MAP4K3: variants seen among roughly 807,000 people sequenced by gnomAD.
The protein encoded by MAP4K3 is mitogen-activated protein kinase kinase kinase kinase 3.
MAP4K3 carries 94 observed loss-of-function variants against 143.5 expected under a neutral mutation model. The ratio of observed to expected loss-of-function variants is 0.65; its 90% CI spans 0.55 to 0.78. MAP4K3 has a LOEUF of 0.78. MAP4K3 is among the 30% of genes least tolerant of loss of function. The pLI, the probability that MAP4K3 is intolerant of heterozygous loss-of-function variation, is 0.00. For synonymous variants in MAP4K3, 416 were observed against 347.2 expected (o/e 1.20, Z -2.20); for missense variants, 1,077 against 1,068.1 (o/e 1.01, Z -0.12).
At position 39,286,866 on chromosome 2, in the gene MAP4K3, T is replaced by C. The variant is rs753414559; in HGVS notation, c.1573A>G (p.Lys525Glu). 1 of 1,603,704 alleles carries C rather than the reference T, an allele frequency of 6.2e-7. No homozygotes were observed. The highest frequency in any genetic ancestry group is 1.1e-5 in the South Asian group (1 of 89,060). The part of the protein sequence containing the change: ...HRGTNLSRKE[K>E]KDVPKPISNG... Reference sequence around the variant, plus strand: ...TCAATACCTACTGGTACATCTTTCTTTTCTTTTCTTGAAAGGTTTGTGCCT... The same window carrying C: ...TCAATACCTACTGGTACATCTTTCTCTTCTTTTCTTGAAAGGTTTGTGCCT... The change falls in exon 21 of 34, where the codon AAG becomes GAG. Residue 525 changes from lysine to glutamate, a missense_variant. By Grantham distance (56) the Lys-to-Glu change is moderately conservative. Transcript: ENST00000263881.
chr2:39,305,576 GATTTT>G (rs1412706561), intron 15 of MAP4K3, among the ~76,000 whole-genome samples: 1 of 152,182 alleles, frequency 6.6e-6, no homozygotes, highest in Non-Finnish European at 1.5e-5. Flanking sequence ...CTTTAAGGTT[GATTTT>G]ATAAGTTGTA....
chr2:39,300,138 G>A (rs1024489406), intron 15 of MAP4K3, among the ~76,000 whole-genome samples: 3 of 152,056 alleles, frequency 2.0e-5, no homozygotes, highest in South Asian at 2.1e-4. Flanking sequence ...AAGCAAAAAC[G>A]TTCAGAGAAG....
chr2:39,322,316 C>A (rs1683334867), intron 12 of MAP4K3, among the ~76,000 whole-genome samples: 1 of 152,128 alleles, frequency 6.6e-6, no homozygotes, highest in Non-Finnish European at 1.5e-5. Flanking sequence ...ATGATTATTT[C>A]TGAGAACAGT....
chr2:39,400,203 G>C (rs551863485), intron 1 of MAP4K3, among the ~76,000 whole-genome samples: 1 of 152,218 alleles, frequency 6.6e-6, no homozygotes, highest in South Asian at 2.1e-4. Context: ...AATTATAAAT[G>C]TCTGTTGTAT....
chr2:39,344,195 AAAT>A (rs1665220101), intron 3 of MAP4K3, among the ~76,000 whole-genome samples: 2 of 152,166 alleles, frequency 1.3e-5, no homozygotes, highest in South Asian at 4.1e-4. Context: ...AATATCCAGC[AAAT>A]AATATTTGTT....
chr2:39,422,411 T>C (rs573434739), intron 1 of MAP4K3, among the ~76,000 whole-genome samples: 138 of 152,220 alleles, frequency 9.1e-4, no homozygotes, highest in African/African-American at 3.2e-3. Flanking sequence ...AAAGACCATG[T>C]ATAGACACCA....
chr2:39,360,252 C>T (rs1356626355), intron 2 of MAP4K3, among the ~76,000 whole-genome samples: 1 of 152,234 alleles, frequency 6.6e-6, no homozygotes, highest in Non-Finnish European at 1.5e-5. Flanking sequence ...ACAAGAGTCA[C>T]TTCTGCTCTA....
intron 31 of MAP4K3, among the ~76,000 whole-genome samples, chr2:39,257,636 T>C (rs983582470): frequency 1.4e-4 from 21 of 151,450 alleles, no homozygotes; most frequent in Admixed American, 1.2e-3. Flanking sequence ...CCGTCTCTAC[T>C]AAAAATACAA....
chr2:39,398,741 AATAATGATG>A (rs1481139319), intron 1 of MAP4K3, among the ~76,000 whole-genome samples: 1 of 127,354 alleles, frequency 7.9e-6, no homozygotes, highest in Non-Finnish European at 1.6e-5. Context: ...TAATAATAAT[AATAATGATG>A]ATGATAATAA....
At chr2:39,318,759 G>A (rs915031239) in intron 12 of MAP4K3, among the ~76,000 whole-genome samples, 9 of 151,762 alleles carry the variant, frequency 5.9e-5, no homozygotes, top group African/African-American at 1.7e-4. Context: ...ACCATTTCAC[G>A]TTTATTCAAC....
At position 39,354,397 on chromosome 2, in the gene MAP4K3, C is replaced by T. The variant is rs147630307; in HGVS notation, c.245+1852G>A. Among the ~76,000 whole-genome samples the T allele has an allele frequency of 6.3e-3, 960 of 152,112 alleles. 7 individuals are homozygous for T. Among genetic ancestry groups the T allele is most frequent in the African/African-American group, 0.022 (913 of 41,510 alleles). Reference sequence around the variant, plus strand: ...GGTGGAGCTTGCAGTGAGCTGAGATCGCGCCACTGCACTCCAGCCTGGGTG... The same window carrying T: ...GGTGGAGCTTGCAGTGAGCTGAGATTGCGCCACTGCACTCCAGCCTGGGTG... On this transcript the variant is annotated intron_variant, in intron 3 of 33. Transcript: ENST00000263881.
intron 21 of MAP4K3, among the ~76,000 whole-genome samples, chr2:39,282,876 G>T (rs1681598310): frequency 6.6e-6 from 1 of 152,162 alleles, no homozygotes; most frequent in South Asian, 2.1e-4. Context: ...TTGTGTGTGT[G>T]TTAGGAATTT....
intron 24 of MAP4K3, among the ~76,000 whole-genome samples, chr2:39,277,848 G>A (rs1304641233): frequency 6.6e-6 from 1 of 151,640 alleles, no homozygotes; most frequent in Non-Finnish European, 1.5e-5. Context: ...TTACAGGCGT[G>A]AGCCACCATG....
intron 27 of MAP4K3, among the ~76,000 whole-genome samples, chr2:39,266,919 A>G (rs1003454424): frequency 1.3e-5 from 2 of 151,640 alleles, no homozygotes; most frequent in African/African-American, 4.8e-5. Context: ...AAAAAAAAAA[A>G]GTCATACAAC....
intron 15 of MAP4K3, 77 bp downstream of exon 15, chr2:39,307,866 A>T: frequency 8.7e-7 from 1 of 1,147,246 alleles, no homozygotes; most frequent in Admixed American, 2.6e-5. Context: ...CTTTAATTGG[A>T]CAAAATGTTT....
chr2:39,307,836 T>C (rs951212296), intron 15 of MAP4K3, 107 bp downstream of exon 15: 11 of 800,570 alleles, frequency 1.4e-5, no homozygotes, highest in African/African-American at 1.1e-4. Flanking sequence ...TGCTAAATGA[T>C]AGCAACTTAT....
chr2:39,266,090 C>T (rs570701143), intron 27 of MAP4K3, among the ~76,000 whole-genome samples: 43 of 152,266 alleles, frequency 2.8e-4, no homozygotes, highest in Middle Eastern at 6.8e-3. Context: ...AAATTCTTTC[C>T]TATAATTAAC....
In MAP4K3 at chr2:39,374,134, T is replaced by C. The variant is rs187833336; in HGVS notation, c.154+3932A>G. 3.8e-3 allele frequency among the ~76,000 whole-genome samples: 577 copies of C among 152,224 alleles called. 1 individual carries two copies. Among genetic ancestry groups the C allele is most frequent in the Non-Finnish European group, 6.7e-3 (456 of 67,990 alleles). On this transcript the variant is annotated intron_variant, in intron 2 of 33. Transcript: ENST00000263881. Reference sequence around the variant, plus strand: ...AAATGGCTCACATCTGTAATCCCAGTACTTTGGGAGGCCCAGGCAGGCGGA... The same window carrying C: ...AAATGGCTCACATCTGTAATCCCAGCACTTTGGGAGGCCCAGGCAGGCGGA...
chr2:39,308,971 A>T (rs1198720059), intron 14 of MAP4K3, among the ~76,000 whole-genome samples: 1 of 152,170 alleles, frequency 6.6e-6, no homozygotes, highest in Non-Finnish European at 1.5e-5. Context: ...AATAAAAAAA[A>T]TTTAAAAGTC....
Sources: gnomAD v4.1 joint callset for allele counts (sites outside exome capture counted in the v4.1 genomes callset) on GRCh38, gnomAD v4.1.1 for gene constraint, MANE v1.5 for transcripts, NCBI Gene and HGNC (gene_info 2026-07-23, HGNC 2026-07-21) for gene names.